The following EFL1 variants were observed in gnomAD, a reference collection of about 807,000 sequenced individuals.
EFL1 encodes the protein elongation factor like GTPase 1.
A neutral mutation model predicts 126.7 loss-of-function variants in EFL1; 76 were observed. That is an observed-to-expected ratio of 0.60 (90% CI 0.50 to 0.73). The LOEUF is 0.73. Among genes scored for constraint, EFL1 ranks in the 30% least tolerant of loss-of-function variants. The pLI, the probability that EFL1 is intolerant of heterozygous loss-of-function variation, is 0.00. For missense variants in EFL1, 1,128 were observed against 1,343.2 expected (o/e 0.84, Z 2.50); for synonymous variants, 410 against 448.4 (o/e 0.91, Z 1.08).
At chr15:82,143,031 C>T (rs889360305) in intron 18 of EFL1, among the ~76,000 whole-genome samples, 24 of 152,228 alleles carry the variant, frequency 1.6e-4, no homozygotes, top group Admixed American at 3.3e-4. Flanking sequence ...TTAACCTGTA[C>T]ATTCTACAGT....
chr15:82,172,288 T>C (rs2074144683), intron 15 of EFL1, among the ~76,000 whole-genome samples: 1 of 152,160 alleles, frequency 6.6e-6, no homozygotes, highest in Non-Finnish European at 1.5e-5. Context: ...AAAGTATGAT[T>C]AGACTGCGCA....
At chr15:82,249,528 T>C (rs2075002513) in intron 4 of EFL1, among the ~76,000 whole-genome samples, 2 of 152,232 alleles carry the variant, frequency 1.3e-5, no homozygotes, top group South Asian at 2.1e-4. Context: ...TTAACCCATG[T>C]GAATCTATTT....
chr15:82,178,868 A>T (rs189067097), intron 15 of EFL1, among the ~76,000 whole-genome samples: 4 of 152,202 alleles, frequency 2.6e-5, no homozygotes, highest in African/African-American at 9.6e-5. Context: ...TGGGCTTAGC[A>T]TGGTGGCTCA....
chr15:82,226,294 G>A (rs186333024), intron 11 of EFL1, among the ~76,000 whole-genome samples: 5 of 152,192 alleles, frequency 3.3e-5, no homozygotes, highest in Non-Finnish European at 5.9e-5. Flanking sequence ...TCAGCCTCCC[G>A]AGTAGCAGGG....
At position 82,260,492 on chromosome 15, in the gene EFL1, CT is replaced by C. The variant is rs547943885; in HGVS notation, c.91+1195del. On this transcript the variant is annotated intron_variant, in intron 2 of 19. Coordinates refer to ENST00000268206, the MANE Select transcript of EFL1 (RefSeq NM_024580.6). The stretch of plus-strand genomic sequence containing the variant: ...AAGCATGTCTACCAATCTAATCTTT[CT>C]CATGTTTTATTTGATTACATCATTC... Among the ~76,000 whole-genome samples, 433 of 152,304 alleles carry C rather than the reference CT, an allele frequency of 2.8e-3. 4 individuals carry two copies. Among genetic ancestry groups the C allele is most frequent in the African/African-American group, 9.9e-3 (413 of 41,564 alleles).
intron 8 of EFL1, among the ~76,000 whole-genome samples, chr15:82,229,364 T>C (rs72749590): frequency 0.023 from 3,561 of 152,306 alleles, 89 homozygotes; most frequent in Middle Eastern, 0.041. Context: ...CATATTACCA[T>C]GGCTGCCATC....
At chr15:82,252,283 C>G (rs2075029468) in intron 4 of EFL1, among the ~76,000 whole-genome samples, 1 of 152,186 alleles carries the variant, frequency 6.6e-6, no homozygotes, top group African/African-American at 2.4e-5. Flanking sequence ...AGAAGTGTTA[C>G]TATCAATGTA....
intron 15 of EFL1, among the ~76,000 whole-genome samples, chr15:82,165,861 T>C (rs186369591): frequency 6.6e-6 from 1 of 152,340 alleles, no homozygotes; most frequent in African/African-American, 2.4e-5. Flanking sequence ...GGGATCCTCT[T>C]CAGACTAAAG....
chr15:82,228,108 A>G, intron 10 of EFL1, 83 bp downstream of exon 10: 1 of 1,476,700 alleles, frequency 6.8e-7, no homozygotes, highest in Non-Finnish European at 9.0e-7. Flanking sequence ...TTATTTCCAG[A>G]GAATTTCTTG....
chr15:82,183,680 ATTTAGCCATT>A (rs2074275055), intron 15 of EFL1, among the ~76,000 whole-genome samples: 1 of 152,218 alleles, frequency 6.6e-6, no homozygotes, highest in Non-Finnish European at 1.5e-5. Flanking sequence ...GGCACTGAAT[ATTTAGCCATT>A]TTGAATATTA....
chr15:82,230,416 C>T (rs1037651394), intron 8 of EFL1, among the ~76,000 whole-genome samples: 3 of 90,134 alleles, frequency 3.3e-5, no homozygotes, highest in Non-Finnish European at 4.9e-5. Flanking sequence ...CCACCTCTCC[C>T]GATCTACACT....
intron 15 of EFL1, among the ~76,000 whole-genome samples, chr15:82,208,657 T>A (rs1251462238): frequency 2.0e-5 from 3 of 152,124 alleles, no homozygotes; most frequent in African/African-American, 7.2e-5. Flanking sequence ...AACGCAGGAA[T>A]TCAAGGACGC....
chr15:82,173,040 G>GA (rs1384068698), intron 15 of EFL1, among the ~76,000 whole-genome samples: 1 of 152,014 alleles, frequency 6.6e-6, no homozygotes, highest in Non-Finnish European at 1.5e-5. Context: ...GTACCCCCTA[G>GA]AAAAACTCAT....
chr15:82,206,567 G>A (rs1029380271), intron 15 of EFL1, among the ~76,000 whole-genome samples: 12 of 152,012 alleles, frequency 7.9e-5, no homozygotes, highest in South Asian at 6.2e-4. Context: ...AATCACTTCC[G>A]AATATTTAGT....
chr15:82,199,739 A>G (rs1478685135), intron 15 of EFL1, among the ~76,000 whole-genome samples: 4 of 152,232 alleles, frequency 2.6e-5, no homozygotes, highest in Non-Finnish European at 5.9e-5. Flanking sequence ...ACCTGTAGGA[A>G]TCAGCCCTAG....
intron 2 of EFL1, among the ~76,000 whole-genome samples, chr15:82,259,719 A>C (rs531847838): frequency 6.6e-6 from 1 of 152,332 alleles, no homozygotes; most frequent in Admixed American, 6.5e-5. Flanking sequence ...TGATATAAAC[A>C]GGTGATTCTG....
intron 16 of EFL1, among the ~76,000 whole-genome samples, chr15:82,158,586 G>A (rs1161555720): frequency 6.6e-6 from 1 of 152,108 alleles, no homozygotes; most frequent in Non-Finnish European, 1.5e-5. Flanking sequence ...TCTTAAAGAC[G>A]TTTTTATGCA....
At chr15:82,209,044 A>T (rs1384983673) in intron 15 of EFL1, among the ~76,000 whole-genome samples, 1 of 152,222 alleles carries the variant, frequency 6.6e-6, no homozygotes, top group Non-Finnish European at 1.5e-5. Flanking sequence ...CATTAAAATC[A>T]GTTGAAACTC....
chr15:82,225,323 G>T, intron 11 of EFL1, 59 bp from the exon 12 acceptor site: 2 of 1,140,332 alleles, frequency 1.8e-6, no homozygotes, highest in East Asian at 2.7e-5. Context: ...AAAAAAAACA[G>T]ATTTTTCTGG....
Sources: allele counts gnomAD v4.1 joint callset (sites outside exome capture counted in the v4.1 genomes callset), GRCh38; gene constraint gnomAD v4.1.1; transcripts MANE v1.5; gene names NCBI Gene and HGNC (gene_info 2026-07-23, HGNC 2026-07-21).